The following ABCB11 variants were observed in gnomAD, a reference collection of about 807,000 sequenced individuals.
The protein encoded by ABCB11 is ATP binding cassette subfamily B member 11.
Under a neutral mutation model 148.0 loss-of-function variants are expected in ABCB11, and 95 were observed. The observed-to-expected ratio is 0.64, with a 90% CI of 0.54 to 0.76. The LOEUF is 0.76. Ranked by LOEUF, ABCB11 falls within the 30% of genes least tolerant of loss-of-function variation. The pLI is 0.00. For synonymous variants in ABCB11, 591 were observed against 555.4 expected, an observed-to-expected ratio of 1.06 and a Z score of -0.90; for missense variants, 1,523 against 1,617.8, an observed-to-expected ratio of 0.94 and a Z score of 1.01.
rs371656014 is a variant in ABCB11 at position 168,976,641 on chromosome 2, C to T, written c.1244G>A (p.Arg415Gln). The change falls in exon 12 of 28, where the codon CGA (arginine) becomes CAA (glutamine). Residue 415 changes from arginine to glutamine, a missense_variant. Transcript: ENST00000650372. ...CMSEDGYKLD[R>Q]IKGEIEFHNV... Reference sequence around the variant, plus strand: ...ATGGAATTCAATTTCACCCTTGATTCGATCCAACTTGTAACCATCTTCTGA... The same window carrying T: ...ATGGAATTCAATTTCACCCTTGATTTGATCCAACTTGTAACCATCTTCTGA... 149 of 1,610,750 alleles carry T rather than the reference C, an allele frequency of 9.3e-5. No homozygotes were observed. The highest frequency in any genetic ancestry group is 1.7e-4 in the Middle Eastern group (1 of 6,048).
chr2:169,013,502 A>G lies in ABCB11; in HGVS notation c.159T>C (p.Phe53=). Residue 53 remains phenylalanine (F), a synonymous_variant, in exon 5 of 28, where the codon TTT becomes TTC. Transcript: ENST00000650372. Reference sequence around the variant, plus strand: ...TCAGCCAAATGTCAGTTGATGAAGAAAACCGAAACTTGAAAAACAAAGGGT... The same window carrying G: ...TCAGCCAAATGTCAGTTGATGAAGAGAACCGAAACTTGAAAAACAAAGGGT... ...VRVGFFQLFR[F]SSSTDIWLMF... 1 of 1,612,918 alleles carries G rather than the reference A, an allele frequency of 6.2e-7. No individual in the cohort carries two copies. The highest frequency in any genetic ancestry group is 8.5e-7 in the Non-Finnish European group (1 of 1,179,242).
rs529545076 is a variant in ABCB11, at chr2:169,018,294, A to C, written c.-27-142T>G. The C allele has an allele frequency of 1.1e-5, 8 of 707,262 alleles. No homozygotes were observed. The Admixed American group carries it at 1.4e-4, about 13-fold the overall frequency. 43.8% of individuals were successfully genotyped at this position (707,262 alleles called of 1,614,324 possible). ...GACAAAAGTTTTAAAATCGGTTAAT[A>C]ACTCCCTGAAAGAGCCTAATTATCA... On this transcript the variant is annotated intron_variant, in intron 1 of 27. Coordinates refer to ENST00000650372, the MANE Select transcript of ABCB11 (RefSeq NM_003742.4).
chr2:168,942,439 T>A (rs1251844395), intron 21 of ABCB11, among the ~76,000 whole-genome samples: 1 of 151,658 alleles, frequency 6.6e-6, no homozygotes, highest in African/African-American at 2.4e-5. Context: ...GAGGAAAAAT[T>A]AGTGTGCAGG....
At chr2:169,009,483 A>T in intron 5 of ABCB11, among the ~76,000 whole-genome samples, 1 of 150,954 alleles carries the variant, frequency 6.6e-6, no homozygotes, top group Admixed American at 6.6e-5. Flanking sequence ...CGAGGACAAA[A>T]AACCAAACAC....
chr2:168,954,916 C>T lies in ABCB11; in HGVS notation c.2343+3048G>A, dbSNP rs532241507. Among the ~76,000 whole-genome samples the T allele has an allele frequency of 8.8e-4, 134 of 151,826 alleles. 1 individual carries two copies. The highest frequency in any genetic ancestry group is 1.5e-3 in the Non-Finnish European group (101 of 67,774). ...TTCAGTCCCTTTACTTAGTCCTAGACATCTCAAAGGCTTTGTTCATTCTTT... is the reference window on the plus strand; with the variant it reads ...TTCAGTCCCTTTACTTAGTCCTAGATATCTCAAAGGCTTTGTTCATTCTTT... On this transcript the variant is annotated intron_variant, in intron 19 of 27. Coordinates refer to ENST00000650372, the MANE Select transcript of ABCB11 (RefSeq NM_003742.4).
At chr2:169,021,989 C>T (rs1695555607) in intron 1 of ABCB11, among the ~76,000 whole-genome samples, 1 of 151,952 alleles carries the variant, frequency 6.6e-6, no homozygotes, top group African/African-American at 2.4e-5. Flanking sequence ...GTAAAACACA[C>T]ACACATATAC....
intron 23 of ABCB11, among the ~76,000 whole-genome samples, chr2:168,933,059 A>G (rs1000529116): frequency 4.6e-5 from 7 of 150,892 alleles, no homozygotes; most frequent in Non-Finnish European, 8.9e-5. Context: ...CAGTGAGCCA[A>G]GATCGCGCCA....
At chr2:168,937,486 A>G (rs1436791575) in intron 21 of ABCB11, among the ~76,000 whole-genome samples, 1 of 152,224 alleles carries the variant, frequency 6.6e-6, no homozygotes, top group Non-Finnish European at 1.5e-5. Context: ...TGAATTAATT[A>G]AAAGGTTCTT....
intron 19 of ABCB11, among the ~76,000 whole-genome samples, chr2:168,953,768 G>A (rs936001972): frequency 4.0e-5 from 6 of 151,508 alleles, no homozygotes; most frequent in Non-Finnish European, 5.9e-5. Context: ...GCAAACCTGC[G>A]TCCCATTCTA....
At chr2:168,916,232 C>T (rs376491073), downstream of ABCB11, among the ~76,000 whole-genome samples, 118 of 152,308 alleles carry the variant, frequency 7.7e-4, no homozygotes, top group Admixed American at 2.3e-3. Flanking sequence ...TCACCCTTAG[C>T]GAACATTTCC....
rs573808953 is a variant in ABCB11, at chr2:168,967,092, A to G, written c.2075+1335T>C. 2.6e-5 allele frequency among the ~76,000 whole-genome samples: 4 copies of G among 152,056 alleles called. No homozygotes were observed. In the South Asian group the frequency reaches 8.3e-4, roughly 31 times the overall value. ...CTTTGCAACCTTTAACCTAGTGACC[A>G]AAAGAGATGCCTAGTCATTCTCTGG... On this transcript the variant is annotated intron_variant, in intron 17 of 27. Coordinates refer to ENST00000650372, the MANE Select transcript of ABCB11 (RefSeq NM_003742.4).
chr2:168,932,757 G>A (rs571745891), intron 23 of ABCB11, among the ~76,000 whole-genome samples: 5 of 152,254 alleles, frequency 3.3e-5, no homozygotes, highest in African/African-American at 7.2e-5. Flanking sequence ...GACTGAACAA[G>A]CATGAAGGGG....
intron 10 of ABCB11, 22 bp downstream of exon 10, chr2:168,986,088 T>G: frequency 6.5e-7 from 1 of 1,529,050 alleles, no homozygotes; most frequent in Non-Finnish European, 8.8e-7. Flanking sequence ...ATGCTATGTC[T>G]CGGTCAATAA....
chr2:168,919,933 C>T (rs543534659), downstream of ABCB11, among the ~76,000 whole-genome samples: 14 of 152,048 alleles, frequency 9.2e-5, no homozygotes, highest in East Asian at 5.8e-4. Flanking sequence ...AGGGCAGTGG[C>T]GCGATGTTGG....
Position 168,924,753 on chromosome 2 carries a change from C to T in ABCB11, c.3669G>A (p.Glu1223=), listed in dbSNP as rs199649780. 1 of 1,613,686 alleles carries T rather than the reference C, an allele frequency of 6.2e-7. No homozygotes were observed. The part of the protein sequence containing the change: ...GSQGSQLSRG[E]KQRIAIARAI... ...CCCGAGCAATAGCAATGCGTTGTTTCTCCCCTCTAGAGAGTTGAGACCCCT... is the reference window on the plus strand; with the variant it reads ...CCCGAGCAATAGCAATGCGTTGTTTTTCCCCTCTAGAGAGTTGAGACCCCT... The change falls in exon 27 of 28, where the codon GAG becomes GAA. Residue 1223 remains glutamate, a synonymous_variant. Transcript: ENST00000650372.
intron 5 of ABCB11, among the ~76,000 whole-genome samples, chr2:168,997,905 A>G (rs972730389): frequency 6.6e-6 from 1 of 152,008 alleles, no homozygotes; most frequent in Non-Finnish European, 1.5e-5. Flanking sequence ...AAATCAATAA[A>G]TGTTTCCTGA....
chr2:169,007,197 C>A (rs1409234076), intron 5 of ABCB11, among the ~76,000 whole-genome samples: 2 of 152,074 alleles, frequency 1.3e-5, no homozygotes, highest in African/African-American at 4.8e-5. Flanking sequence ...CAAATAAACC[C>A]TCTTAATTAC....
At chr2:169,014,232 AACAC>A in intron 4 of ABCB11, 67 bp downstream of exon 4, 222 of 1,106,892 alleles carry the variant, frequency 2.0e-4, no homozygotes, top group Non-Finnish European at 2.9e-4. Context: ...CTAAAGATTT[AACAC>A]TCCCCTCATG....
At chr2:169,006,340 A>C (rs1695018747) in intron 5 of ABCB11, among the ~76,000 whole-genome samples, 1 of 152,224 alleles carries the variant, frequency 6.6e-6, no homozygotes, top group Non-Finnish European at 1.5e-5. Flanking sequence ...GACTCAATTC[A>C]TGACTTAATG....
Sources: gnomAD v4.1 joint callset for allele counts (sites outside exome capture counted in the v4.1 genomes callset) on GRCh38, gnomAD v4.1.1 for gene constraint, MANE v1.5 for transcripts, NCBI Gene and HGNC (gene_info 2026-07-23, HGNC 2026-07-21) for gene names.